BUB1B: variants seen among roughly 807,000 people sequenced by gnomAD.
The protein encoded by BUB1B is mitotic checkpoint serine/threonine-protein kinase BUB1 beta.
In BUB1B, 86 loss-of-function variants were observed where a neutral mutation model predicts 137.7. The ratio of observed to expected loss-of-function variants is 0.62; its 90% CI spans 0.52 to 0.75. The LOEUF (loss-of-function observed/expected upper bound fraction) is 0.75, where lower values mean the gene tolerates loss of function less well. Ranked by LOEUF, BUB1B falls within the 30% of genes least tolerant of loss-of-function variation. The pLI is 0.00. For synonymous variants in BUB1B, 420 were observed against 417.9 expected (o/e 1.00, Z -0.06); for missense variants, 1,130 against 1,236.9 (o/e 0.91, Z 1.30).
intron 8 of BUB1B, among the ~76,000 whole-genome samples, chr15:40,192,880 C>T (rs2037453559): frequency 6.6e-6 from 1 of 152,150 alleles, no homozygotes; most frequent in Non-Finnish European, 1.5e-5. Flanking sequence ...TTTAAATAGT[C>T]TTGTTCTTTC....
At chr15:40,194,804 A>C (rs1201238057) in intron 8 of BUB1B, among the ~76,000 whole-genome samples, 1 of 152,102 alleles carries the variant, frequency 6.6e-6, no homozygotes, top group Non-Finnish European at 1.5e-5. Context: ...TTGGATACTA[A>C]ACCATGAAAA....
chr15:40,176,799 T>C (rs2037229706), intron 5 of BUB1B, 126 bp downstream of exon 5: 1 of 999,686 alleles, frequency 1.0e-6, no homozygotes. Flanking sequence ...CTATTCAATT[T>C]TTTTAAAGAT....
chr15:40,218,454 A>C lies in BUB1B; in HGVS notation c.2851-2A>C, dbSNP rs1420431123. 1 of 1,608,918 alleles carries C rather than the reference A, an allele frequency of 6.2e-7. No homozygotes were observed. The highest frequency in any genetic ancestry group is 1.7e-5 in the Admixed American group (1 of 59,966). On this transcript the variant is annotated splice_acceptor_variant, in intron 21 of 22. Coordinates refer to ENST00000287598, the MANE Select transcript of BUB1B (RefSeq NM_001211.6). LOFTEE classifies it high-confidence loss of function. Reference sequence around the variant, plus strand: ...AGCTGATGGTGCTTTTTGTGATTTCAGGTAGACCTGTTTGGTATAGCAGAT... The same window carrying C: ...AGCTGATGGTGCTTTTTGTGATTTCCGGTAGACCTGTTTGGTATAGCAGAT...
At chr15:40,177,711 C>T (rs1332495961) in intron 5 of BUB1B, among the ~76,000 whole-genome samples, 1 of 151,048 alleles carries the variant, frequency 6.6e-6, no homozygotes, top group African/African-American at 2.4e-5. Context: ...ATTTGACTTT[C>T]TATATAAGTT....
rs771411898 is a variant in BUB1B, at chr15:40,210,215, G to T, written c.2385+5G>T. 1.3e-6 allele frequency: 2 copies of T among 1,575,898 alleles called. No homozygotes were observed. Among genetic ancestry groups the T allele is most frequent in the South Asian group, 2.2e-5 (2 of 90,250 alleles). ...GCAGAATTAACAGTAATAAAGGTGG[G>T]ACTGATTCTTTATAATTTCAGTTAC... On this transcript the variant is annotated splice_donor_5th_base_variant and intron_variant, in intron 18 of 22. Transcript: ENST00000287598.
At chr15:40,203,720 G>A (rs1038775532) in intron 14 of BUB1B, among the ~76,000 whole-genome samples, 1 of 152,188 alleles carries the variant, frequency 6.6e-6, no homozygotes, top group South Asian at 2.1e-4. Flanking sequence ...TATATTAACC[G>A]CTATAGACTA....
chr15:40,202,524 A>C, intron 13 of BUB1B, 59 bp downstream of exon 13: 1 of 1,595,816 alleles, frequency 6.3e-7, no homozygotes, highest in African/African-American at 1.3e-5. Context: ...TGTTATTATA[A>C]GTGAGGATAA....
In BUB1B at chr15:40,195,081, G is replaced by A. The variant is rs563069186; in HGVS notation, c.1059-1464G>A. Among the ~76,000 whole-genome samples the A allele has an allele frequency of 1.3e-4, 20 of 152,168 alleles. No individual in the cohort carries two copies. The East Asian group carries it at 2.3e-3, about 18-fold the overall frequency. On this transcript the variant is annotated intron_variant, in intron 8 of 22. Coordinates refer to ENST00000287598, the MANE Select transcript of BUB1B (RefSeq NM_001211.6). Reference sequence around the variant, plus strand: ...TTATTTCTGAAATTTTGGTGCACCCGTCACCTGAGCAGTGTACACTGTACC... The same window carrying A: ...TTATTTCTGAAATTTTGGTGCACCCATCACCTGAGCAGTGTACACTGTACC...
intron 20 of BUB1B, among the ~76,000 whole-genome samples, chr15:40,215,537 A>G (rs1484057580): frequency 6.6e-6 from 1 of 152,176 alleles, no homozygotes; most frequent in Non-Finnish European, 1.5e-5. Context: ...TGGGAGGCCG[A>G]GGCGGGCGGA....
Position 40,212,647 on chromosome 15 carries a change from AG to A in BUB1B, c.2535+1del. 1.2e-6 allele frequency: 2 copies of A among 1,612,686 alleles called. No individual in the cohort carries two copies. Among genetic ancestry groups the A allele is most frequent in the South Asian group, 2.2e-5 (2 of 91,018 alleles). On this transcript the variant is annotated frameshift_variant and splice_region_variant, in exon 19 of 23. Coordinates refer to ENST00000287598, the MANE Select transcript of BUB1B (RefSeq NM_001211.6). LOFTEE classifies it high-confidence loss of function. ...CAATATATAAACTGCTTCACCCTTCAGGTCTGTAATACTAAAAACATAATTT... is the reference window on the plus strand; with the variant it reads ...CAATATATAAACTGCTTCACCCTTCAGTCTGTAATACTAAAAACATAATTT... ...WHQYINCFTLQDLLQHSEYIT... is the reference protein window; with the variant it reads ...WHQYINCFTLXDLLQHSEYIT...
Position 40,161,072 on chromosome 15 carries a change from G to T in BUB1B, c.-149G>T. On this transcript the variant is annotated 5_prime_UTR_variant, in exon 1 of 23. Coordinates refer to ENST00000287598, the MANE Select transcript of BUB1B (RefSeq NM_001211.6). ...TTGAAACTTGGCGGCTAGGGGTGTG[G>T]GCTTGAGGTGGCCGGTTTGTTAGGG... is the stretch of plus-strand genomic sequence containing the variant. 2.9e-6 allele frequency: 3 copies of T among 1,043,718 alleles called. No individual in the cohort carries two copies. The highest frequency in any genetic ancestry group is 2.8e-6 in the Non-Finnish European group (2 of 718,578). 64.7% of individuals were successfully genotyped at this position (1,043,718 alleles called of 1,614,324 possible).
At position 40,161,212 on chromosome 15, in the gene BUB1B, G is replaced by T. The variant is rs766028949; in HGVS notation, c.-9G>T. The stretch of plus-strand genomic sequence containing the variant: ...GCAGCAGGACGAGGACCTGAGCCAG[G>T]AATGCAGGATGGCGGCGGTGAAGAA... On this transcript the variant is annotated 5_prime_UTR_variant, in exon 1 of 23. Coordinates refer to ENST00000287598, the MANE Select transcript of BUB1B (RefSeq NM_001211.6). The T allele has an allele frequency of 3.1e-6, 5 of 1,613,444 alleles. No individual in the cohort carries two copies. The highest frequency in any genetic ancestry group is 4.2e-6 in the Non-Finnish European group (5 of 1,179,676).
intron 8 of BUB1B, among the ~76,000 whole-genome samples, chr15:40,188,697 C>T (rs147987992): frequency 0.02 from 3,064 of 151,580 alleles, 87 homozygotes; most frequent in East Asian, 0.061. Flanking sequence ...ATTCTCCTGC[C>T]TCAGCCACCC....
Position 40,217,473 on chromosome 15 carries a change from CCTT to C in BUB1B, c.2679-20_2679-18del, listed in dbSNP as rs763360833. 6.2e-6 allele frequency: 10 copies of C among 1,612,670 alleles called. No homozygotes were observed. The highest frequency in any genetic ancestry group is 2.2e-5 in the South Asian group (2 of 91,054). Reference sequence around the variant, plus strand: ...CTTTCATGGCCTATTTTTATTATCTCCTTCTCTTAAATCTGGGCTCAGAATCCA... The same window carrying C: ...CTTTCATGGCCTATTTTTATTATCTCCTCTTAAATCTGGGCTCAGAATCCA... On this transcript the variant is annotated intron_variant, in intron 20 of 22. Coordinates refer to ENST00000287598, the MANE Select transcript of BUB1B (RefSeq NM_001211.6).
chr15:40,194,491 G>T (rs76004855), intron 8 of BUB1B, among the ~76,000 whole-genome samples: 3,104 of 152,284 alleles, frequency 0.02, 91 homozygotes, highest in East Asian at 0.062. Flanking sequence ...TCCTCTAGCA[G>T]GTTGAGCAAG....
At chr15:40,183,659 G>C (rs1411243689) in intron 5 of BUB1B, 55 bp from the exon 6 acceptor site, 31 of 1,559,986 alleles carry the variant, frequency 2.0e-5, no homozygotes, top group African/African-American at 2.7e-5. Flanking sequence ...TGGAAATTTT[G>C]AGTCTGGTAA....
In BUB1B at chr15:40,220,835, G is replaced by GT; in HGVS notation, c.*77dup. ...GTGGAACACTGAAACTGTATGTGCT[G>GT]TAATTTAATTTAGGACACATTTAGA... On this transcript the variant is annotated 3_prime_UTR_variant, in exon 23 of 23. Transcript: ENST00000287598. 1 of 1,474,924 alleles carries GT rather than the reference G, an allele frequency of 6.8e-7. No homozygotes were observed. The highest frequency in any genetic ancestry group is 2.3e-5 in the East Asian group (1 of 44,216). The allele number at this position is 1,474,924 out of a possible 1,614,324, so 91.4% of individuals were successfully genotyped here.
chr15:40,170,181 T>C, intron 3 of BUB1B, 60 bp downstream of exon 3: 4 of 1,495,882 alleles, frequency 2.7e-6, no homozygotes, highest in Non-Finnish European at 2.8e-6. Flanking sequence ...CTTATGGCCA[T>C]GTTTCTCAAA....
chr15:40,163,938 G>C (rs549965009), intron 1 of BUB1B, among the ~76,000 whole-genome samples: 1 of 152,296 alleles, frequency 6.6e-6, no homozygotes, highest in Admixed American at 6.5e-5. Flanking sequence ...TCAAAGATTA[G>C]TGCCAATGTG....
Sources: gnomAD v4.1 joint callset for allele counts (sites outside exome capture counted in the v4.1 genomes callset) on GRCh38, gnomAD v4.1.1 for gene constraint, MANE v1.5 for transcripts, NCBI Gene and HGNC (gene_info 2026-07-23, HGNC 2026-07-21) for gene names.